The following STMN3 variants were observed in gnomAD, a reference collection of about 807,000 sequenced individuals.
STMN3 encodes the protein stathmin-3.
STMN3 carries 24 observed loss-of-function variants against 23.2 expected under a neutral mutation model. That is an observed-to-expected ratio of 1.03 (90% confidence interval 0.75 to 1.45). The LOEUF (loss-of-function observed/expected upper bound fraction) is 1.45, where lower values mean the gene tolerates loss of function less well. Ranked by LOEUF, STMN3 falls within the 40% of genes most tolerant of loss-of-function variation. The pLI is 0.00. For synonymous variants in STMN3, 117 were observed against 103.4 expected (o/e 1.13, Z -0.80); for missense variants, 235 against 237.6 (o/e 0.99, Z 0.07).
Position 63,640,159 on chromosome 20 carries a change from G to T in STMN3, c.*1179C>A, listed in dbSNP as rs1480134085. ...AGCAAGGGGCCAGGCAGCAGCTTTG[G>T]GATGGGGCTTCCGTGGAGAAGTGGG... On this transcript the variant is annotated 3_prime_UTR_variant, in exon 5 of 5. Transcript: ENST00000370053. 6.5e-6 allele frequency: 1 copy of T among 152,798 alleles called. No individual in the cohort carries two copies. The highest frequency in any genetic ancestry group is 6.5e-5 in the Admixed American group (1 of 15,280). 9.5% of individuals were successfully genotyped at this position (152,798 alleles called of 1,614,324 possible).
At chr20:63,641,699 C>T (rs2089763624) in intron 4 of STMN3, among the ~76,000 whole-genome samples, 1 of 152,190 alleles carries the variant, frequency 6.6e-6, no homozygotes, top group South Asian at 2.1e-4. Context: ...CGGCTAGTTA[C>T]TGTCCCGCCA....
Position 63,644,260 on chromosome 20 carries a change from G to A in STMN3, c.69C>T (p.Ser23=). 6.2e-7 allele frequency: 1 copy of A among 1,613,846 alleles called. No individual in the cohort carries two copies. Among genetic ancestry groups the A allele is most frequent in the Non-Finnish European group, 8.5e-7 (1 of 1,179,942 alleles). The change falls in exon 2 of 5, where the codon TCC becomes TCT. Residue 23 remains serine (S), a synonymous_variant. Coordinates refer to ENST00000370053, the MANE Select transcript of STMN3 (RefSeq NM_015894.4). ...KELSVLSLIC[S]CFYTQPHPNT... ...TGGGGTGCGGCTGTGTGTAGAAGCA[G>A]GAGCAGATGAGCGACAGCACCGACA...
intron 3 of STMN3, among the ~76,000 whole-genome samples, chr20:63,643,096 C>A (rs2089781784): frequency 6.6e-6 from 1 of 152,092 alleles, no homozygotes; most frequent in African/African-American, 2.4e-5. Flanking sequence ...CACATGAGGC[C>A]CTTCCTCCAG....
intron 3 of STMN3, 137 bp from the exon 4 acceptor site, chr20:63,642,436 C>A: frequency 2.8e-6 from 1 of 362,428 alleles, no homozygotes. Context: ...CGGTGGGCGC[C>A]GGGACCCCCG....
In STMN3 at chr20:63,653,356, G is replaced by A. The variant is rs73611748; in HGVS notation, c.-11C>T. 7.1e-6 allele frequency: 11 copies of A among 1,546,200 alleles called. No homozygotes were observed. Among genetic ancestry groups the A allele is most frequent in the Admixed American group, 2.0e-5 (1 of 50,788 alleles). On this transcript the variant is annotated 5_prime_UTR_variant, in exon 1 of 5. Coordinates refer to ENST00000370053, the MANE Select transcript of STMN3 (RefSeq NM_015894.4). ...AATGGTGCTGGCCATGGTGCTGGCG[G>A]CGGTTGGGCCTGCGGAGGCTGGAGA...
In STMN3 at chr20:63,642,093, GC is replaced by G; in HGVS notation, c.483+14del. On this transcript the variant is annotated intron_variant, in intron 4 of 4. Transcript: ENST00000370053. ...CCTGCCCGCTCCGAGCTCCGCCCCG[GC>G]CCCGCCCCCGCACCTTCTCGCGCAG... 2.1e-6 allele frequency: 3 copies of G among 1,448,014 alleles called. No homozygotes were observed. Among genetic ancestry groups the G allele is most frequent in the Non-Finnish European group, 2.7e-6 (3 of 1,098,028 alleles). 89.7% of individuals were successfully genotyped at this position (1,448,014 alleles called of 1,614,324 possible).
At chr20:63,653,192 C>G (rs1483589154) in intron 1 of STMN3, 135 bp downstream of exon 1, 1 of 1,164,542 alleles carries the variant, frequency 8.6e-7, no homozygotes, top group African/African-American at 1.6e-5. Flanking sequence ...TCGGGCGGGT[C>G]GGGCCCAGGC....
At chr20:63,643,607 G>A in intron 3 of STMN3, 149 bp downstream of exon 3, 1 of 1,352,476 alleles carries the variant, frequency 7.4e-7, no homozygotes, top group Non-Finnish European at 9.4e-7. Context: ...TTATCTCTCA[G>A]AAAGAGGCCC....
chr20:63,653,218 T>G (rs1601065812), intron 1 of STMN3, 109 bp downstream of exon 1: 6 of 1,351,478 alleles, frequency 4.4e-6, no homozygotes, highest in Non-Finnish European at 4.1e-6. Context: ...ACGCGCAGGG[T>G]AGGAGAAGGG....
At chr20:63,643,682 C>A (rs1204929622) in intron 3 of STMN3, 74 bp downstream of exon 3, 2 of 1,459,184 alleles carry the variant, frequency 1.4e-6, no homozygotes, top group Non-Finnish European at 1.8e-6. Flanking sequence ...GAGCACCCTG[C>A]TTCTTGCAGG....
chr20:63,642,414 C>G, intron 3 of STMN3, 115 bp from the exon 4 acceptor site: 1 of 539,266 alleles, frequency 1.9e-6, no homozygotes, highest in Non-Finnish European at 2.8e-6. Flanking sequence ...GCGCCTCCAC[C>G]TGCCCAGGCC....
At chr20:63,647,906 G>A (rs550016672) in intron 1 of STMN3, among the ~76,000 whole-genome samples, 69 of 116,850 alleles carry the variant, frequency 5.9e-4, no homozygotes, top group African/African-American at 2.1e-3. Flanking sequence ...ATATATACAC[G>A]TGTGTATATA....
chr20:63,644,872 T>A, intron 1 of STMN3, among the ~76,000 whole-genome samples: 1 of 152,176 alleles, frequency 6.6e-6, no homozygotes, highest in South Asian at 2.1e-4. Context: ...TGCCGGCACC[T>A]TGATCCTGGA....
intron 1 of STMN3, among the ~76,000 whole-genome samples, chr20:63,646,500 A>C (rs1758997401): frequency 6.6e-6 from 1 of 151,692 alleles, no homozygotes; most frequent in Non-Finnish European, 1.5e-5. Flanking sequence ...GACCACAGGC[A>C]CCGCCACCAC....
chr20:63,646,079 C>T lies in STMN3; in HGVS notation c.20-1770G>A, dbSNP rs1000915752. 2.1e-4 allele frequency among the ~76,000 whole-genome samples: 32 copies of T among 152,066 alleles called. 1 individual carries two copies. The highest frequency in any genetic ancestry group is 7.5e-4 in the African/African-American group (31 of 41,334). On this transcript the variant is annotated intron_variant, in intron 1 of 4. Coordinates refer to ENST00000370053, the MANE Select transcript of STMN3 (RefSeq NM_015894.4). ...AGCCTTTCATGGTGAGCTGGGTCTT[C>T]TGGTGACAGTGCAGAGAATGGTCTG... is the stretch of plus-strand genomic sequence containing the variant.
intron 1 of STMN3, among the ~76,000 whole-genome samples, chr20:63,650,445 G>GC (rs1284034264): frequency 6.7e-5 from 9 of 134,900 alleles, no homozygotes; most frequent in African/African-American, 1.4e-4. Context: ...CACCCCTCCC[G>GC]CCGTCCAGGT....
At chr20:63,649,137 G>A (rs1212490933) in intron 1 of STMN3, among the ~76,000 whole-genome samples, 3 of 152,154 alleles carry the variant, frequency 2.0e-5, no homozygotes, top group African/African-American at 7.2e-5. Flanking sequence ...CCAGCTGGTG[G>A]CCCATGAGGA....
intron 4 of STMN3, among the ~76,000 whole-genome samples, chr20:63,641,630 C>T (rs1215015313): frequency 6.6e-6 from 1 of 152,210 alleles, no homozygotes; most frequent in Non-Finnish European, 1.5e-5. Context: ...CTAGCTCGTA[C>T]CGGAGCCGAG....
chr20:63,641,842 AGCCCCGCCCCCGCCCAGT>A (rs1569067233), intron 4 of STMN3, among the ~76,000 whole-genome samples: 4 of 30,350 alleles, frequency 1.3e-4, no homozygotes, highest in South Asian at 2.4e-3. Flanking sequence ...GCTCCGCCCT[AGCCCCGCCCCCGCCCAGT>A]GCCCCGCCCC....
Sources: gnomAD v4.1 joint callset for allele counts (sites outside exome capture counted in the v4.1 genomes callset) on GRCh38, gnomAD v4.1.1 for gene constraint, MANE v1.5 for transcripts, NCBI Gene and HGNC (gene_info 2026-07-23, HGNC 2026-07-21) for gene names.